The following RNF149 variants were observed in gnomAD, a reference collection of about 807,000 sequenced individuals.
RNF149 encodes ring finger protein 149.
RNF149 carries 21 observed loss-of-function variants against 39.0 expected under a neutral mutation model. The ratio of observed to expected loss-of-function variants is 0.54; its 90% CI spans 0.38 to 0.77. The LOEUF is 0.77. Ranked by LOEUF, RNF149 falls within the 30% of genes least tolerant of loss-of-function variation. The pLI, the probability that RNF149 is intolerant of heterozygous loss-of-function variation, is 0.00. For synonymous variants in RNF149, 209 were observed against 213.6 expected, an observed-to-expected ratio of 0.98 and a Z score of 0.19; for missense variants, 493 against 534.9, an observed-to-expected ratio of 0.92 and a Z score of 0.77.
In RNF149 at chr2:101,294,982, T is replaced by C; in HGVS notation, c.660A>G (p.Ile220Met). 6.2e-7 allele frequency: 1 copy of C among 1,613,948 alleles called. No homozygotes were observed. The highest frequency in any genetic ancestry group is 8.5e-7 in the Non-Finnish European group (1 of 1,179,828). ...TMMIISLAWL[I>M]FYYIQRFLYT... ...ATAGGAAACGCTGTATATAGTAAAATATTAGCCAGGCTAACGAGATAATCA... is the reference window on the plus strand; with the variant it reads ...ATAGGAAACGCTGTATATAGTAAAACATTAGCCAGGCTAACGAGATAATCA... The change falls in exon 2 of 7, where the codon ATA becomes ATG. Residue 220 changes from isoleucine (I) to methionine (M), a missense_variant. Ile to Met is a conservative substitution (Grantham distance 10, BLOSUM62 1). Transcript: ENST00000295317.
chr2:101,276,398 G>A lies in RNF149; in HGVS notation c.*840C>T. On this transcript the variant is annotated 3_prime_UTR_variant, in exon 7 of 7. Coordinates refer to ENST00000295317, the MANE Select transcript of RNF149 (RefSeq NM_173647.4). The stretch of plus-strand genomic sequence containing the variant: ...TAATCAAGAAAACTGGTTATTTCGA[G>A]TCAACAACAAAAACTAAAATTCTAC... 1 of 985,826 alleles carries A rather than the reference G, an allele frequency of 1.0e-6. No individual in the cohort carries two copies. The highest frequency in any genetic ancestry group is 1.2e-6 in the Non-Finnish European group (1 of 829,922). 61.1% of individuals were successfully genotyped at this position (985,826 alleles called of 1,614,324 possible). A position where few individuals can be genotyped will look rare whatever the true frequency, so the allele number is the denominator to read the frequency against.
intron 3 of RNF149, 111 bp from the exon 4 acceptor site, chr2:101,289,166 A>C: frequency 1.6e-6 from 1 of 631,552 alleles, no homozygotes; most frequent in Non-Finnish European, 2.8e-6. Flanking sequence ...ACAGTGGTAC[A>C]ACCGGTGAAA....
At chr2:101,284,260 G>A (rs1682706889) in intron 5 of RNF149, among the ~76,000 whole-genome samples, 1 of 152,164 alleles carries the variant, frequency 6.6e-6, no homozygotes, top group East Asian at 1.9e-4. Flanking sequence ...ACAGAGTGAA[G>A]GCGTTCTGGA....
downstream of RNF149, among the ~76,000 whole-genome samples, chr2:101,274,891 A>C (rs1682270639): frequency 6.6e-6 from 1 of 151,770 alleles, no homozygotes; most frequent in South Asian, 2.1e-4. Context: ...GGTTCAAGAG[A>C]ATCTCCTGCC....
intron 6 of RNF149, 42 bp downstream of exon 6, chr2:101,281,817 C>G: frequency 6.2e-7 from 1 of 1,609,502 alleles, no homozygotes; most frequent in Non-Finnish European, 8.5e-7. Context: ...AGCCACCACT[C>G]CTGGCCACAT....
At chr2:101,294,672 G>T (rs1407436848) in intron 2 of RNF149, 1 of 368,672 alleles carries the variant, frequency 2.7e-6, no homozygotes, top group African/African-American at 2.1e-5. Flanking sequence ...ACTCCTTTGG[G>T]TCTGGCAAGG....
chr2:101,289,527 A>G (rs904595906), intron 3 of RNF149, among the ~76,000 whole-genome samples: 4 of 152,144 alleles, frequency 2.6e-5, no homozygotes, highest in Admixed American at 2.6e-4. Context: ...CAACATGGTG[A>G]AACCTCATCT....
At chr2:101,300,875 G>A (rs1259105901) in intron 1 of RNF149, among the ~76,000 whole-genome samples, 15 of 152,192 alleles carry the variant, frequency 9.9e-5, no homozygotes. Context: ...GTGCACAACT[G>A]CAAGGGGTGC....
chr2:101,289,121 T>C, intron 3 of RNF149, 66 bp from the exon 4 acceptor site: 2 of 875,074 alleles, frequency 2.3e-6, no homozygotes, highest in South Asian at 1.5e-5. Context: ...GTAAACTCAC[T>C]ACATCCGGAC....
In RNF149 at chr2:101,289,125, T is replaced by C; in HGVS notation, c.781-70A>G. Reference sequence around the variant, plus strand: ...TATATCCCTTGGTAAACTCACTACATCCGGACTAAAACAATGACGAATTCC... The same window carrying C: ...TATATCCCTTGGTAAACTCACTACACCCGGACTAAAACAATGACGAATTCC... On this transcript the variant is annotated intron_variant, in intron 3 of 6. Coordinates refer to ENST00000295317, the MANE Select transcript of RNF149 (RefSeq NM_173647.4). The C allele has an allele frequency of 7.1e-6, 6 of 846,892 alleles. No homozygotes were observed. The Middle Eastern group carries it at 1.3e-3, about 189-fold the overall frequency. The allele number at this position is 846,892 out of a possible 1,614,324, so 52.5% of individuals were successfully genotyped here. A position where few individuals can be genotyped will look rare whatever the true frequency, so the allele number is the denominator to read the frequency against.
chr2:101,273,451 G>T, downstream of RNF149: 1 of 414,884 alleles, frequency 2.4e-6, no homozygotes, highest in Non-Finnish European at 4.9e-6. Context: ...AAAACTTTCA[G>T]CAAAAACTCT....
chr2:101,277,103 A>G lies in RNF149; in HGVS notation c.*135T>C. On this transcript the variant is annotated 3_prime_UTR_variant, in exon 7 of 7. Transcript: ENST00000295317. ...AAGAAAATATCTTAGTCCTTTGTAT[A>G]TCAAATCAGAATCTAATAGGTAAAA... 7.0e-7 allele frequency: 1 copy of G among 1,435,112 alleles called. No individual in the cohort carries two copies. Among genetic ancestry groups the G allele is most frequent in the Non-Finnish European group, 9.3e-7 (1 of 1,071,702 alleles). The allele number at this position is 1,435,112 out of a possible 1,614,324, so 88.9% of individuals were successfully genotyped here.
intron 1 of RNF149, among the ~76,000 whole-genome samples, chr2:101,298,289 G>C (rs1008051732): frequency 2.6e-5 from 4 of 152,120 alleles, no homozygotes; most frequent in Non-Finnish European, 4.4e-5. Context: ...GCTGGGTGTG[G>C]TGGTGCATGT....
intron 1 of RNF149, among the ~76,000 whole-genome samples, chr2:101,300,112 G>A (rs1375806337): frequency 6.6e-6 from 1 of 152,240 alleles, no homozygotes; most frequent in East Asian, 1.9e-4. Context: ...ACAGAAGTAA[G>A]GAGACAATTT....
chr2:101,276,872 T>A lies in RNF149; in HGVS notation c.*366A>T. 9.8e-7 allele frequency: 1 copy of A among 1,018,100 alleles called. No individual in the cohort carries two copies. The highest frequency in any genetic ancestry group is 1.2e-6 in the Non-Finnish European group (1 of 847,758). The allele number at this position is 1,018,100 out of a possible 1,614,324, so 63.1% of individuals were successfully genotyped here. On this transcript the variant is annotated 3_prime_UTR_variant, in exon 7 of 7. Transcript: ENST00000295317. ...TCCACTTCAACTAGTCTAACATTGA[T>A]GTGCTTTGCCAAAAACCTTGAAAAA...
intron 3 of RNF149, 65 bp downstream of exon 3, chr2:101,293,945 AAAAT>A (rs1175600066): frequency 1.1e-6 from 1 of 894,412 alleles, no homozygotes; most frequent in African/African-American, 1.7e-5. Flanking sequence ...ATCCTTCTTT[AAAAT>A]AAACACGTAC....
Position 101,277,224 on chromosome 2 carries a change from A to G in RNF149, c.*14T>C, listed in dbSNP as rs765317407. 1 of 1,613,086 alleles carries G rather than the reference A, an allele frequency of 6.2e-7. No homozygotes were observed. Among genetic ancestry groups the G allele is most frequent in the Non-Finnish European group, 8.5e-7 (1 of 1,179,462 alleles). On this transcript the variant is annotated 3_prime_UTR_variant, in exon 7 of 7. Transcript: ENST00000295317. ...GCCAAACTTCTGTTGGTGCCACTTC[A>G]GTGGGCACGTGTGCTAGGAGATGGG... is the stretch of plus-strand genomic sequence containing the variant.
At chr2:101,274,047 A>AT (rs70943070), downstream of RNF149, among the ~76,000 whole-genome samples, 91 of 148,020 alleles carry the variant, frequency 6.1e-4, no homozygotes, top group Admixed American at 1.8e-3. Flanking sequence ...CTGTCACAGT[A>AT]TTTTTTTTTT....
chr2:101,308,298 G>C lies in RNF149; in HGVS notation c.291C>G (p.Phe97Leu), dbSNP rs1558799844. The change falls in exon 1 of 7, where the codon TTC (phenylalanine) becomes TTG (leucine). Residue 97 changes from phenylalanine (F) to leucine (L), a missense_variant. Physicochemically the swap from Phe to Leu is conservative, Grantham distance 22. Transcript: ENST00000295317. ...LEGCAPDTRF[F>L]VPEPGGRGAA... ...CCCCTCGGCCGCCGGGCTCGGGCAC[G>C]AAGAAGCGCGTGTCGGGCGCGCAGC... is the stretch of plus-strand genomic sequence containing the variant. 1 of 1,581,294 alleles carries C rather than the reference G, an allele frequency of 6.3e-7. No homozygotes were observed. The highest frequency in any genetic ancestry group is 1.1e-5 in the South Asian group (1 of 88,630).
Sources: gnomAD v4.1 joint callset for allele counts (sites outside exome capture counted in the v4.1 genomes callset) on GRCh38, gnomAD v4.1.1 for gene constraint, MANE v1.5 for transcripts, NCBI Gene and HGNC (gene_info 2026-07-23, HGNC 2026-07-21) for gene names.